The following PDGFA variants were observed in gnomAD, a reference collection of about 807,000 sequenced individuals.
The protein encoded by PDGFA is platelet derived growth factor subunit A, also known as platelet-derived growth factor subunit A.
A neutral mutation model predicts 25.6 loss-of-function variants in PDGFA; 9 were observed. The ratio of observed to expected loss-of-function variants is 0.35; its 90% CI spans 0.21 to 0.61. The LOEUF (loss-of-function observed/expected upper bound fraction) is 0.61, where lower values mean the gene tolerates loss of function less well. Among genes scored for constraint, PDGFA ranks in the 20% least tolerant of loss-of-function variants. The pLI is 0.75. For missense variants in PDGFA, 242 were observed against 272.8 expected (o/e 0.89, Z 0.79); for synonymous variants, 133 against 111.8 (o/e 1.19, Z -1.20).
chr7:502,237 A>C (rs1782372705), intron 4 of PDGFA, among the ~76,000 whole-genome samples: 1 of 151,950 alleles, frequency 6.6e-6, no homozygotes, highest in Admixed American at 6.5e-5. Context: ...ATATTAAAAA[A>C]AAATTTAAAG....
At chr7:516,864 C>G (rs1403382713) in intron 2 of PDGFA, among the ~76,000 whole-genome samples, 1 of 152,236 alleles carries the variant, frequency 6.6e-6, no homozygotes, top group Admixed American at 6.5e-5. Flanking sequence ...AAGACACCGG[C>G]TTCTGCAGCC....
exon 6 of PDGFA, chr7:498,346 G>T: frequency 5.7e-6 from 3 of 528,618 alleles, no homozygotes; most frequent in Non-Finnish European, 1.0e-5. Context: ...TTTTGACAAG[G>T]AAGCTTCTTA....
intron 4 of PDGFA, among the ~76,000 whole-genome samples, chr7:503,817 C>T (rs1279207771): frequency 6.6e-6 from 1 of 152,144 alleles, no homozygotes; most frequent in Non-Finnish European, 1.5e-5. Flanking sequence ...GGGCGTGGGG[C>T]GCCTGGGGTC....
At chr7:502,113 T>G (rs577750129) in intron 4 of PDGFA, among the ~76,000 whole-genome samples, 1 of 152,176 alleles carries the variant, frequency 6.6e-6, no homozygotes, top group East Asian at 1.9e-4. Context: ...CCCAGCCTAC[T>G]TGGGAGGCTG....
chr7:517,377 G>A lies in PDGFA; in HGVS notation c.160+17C>T, dbSNP rs756685336. ...CCCGCGCCCTCCCCGCGCGCGGAGG[G>A]AAGGGGCGCGATTTACCTACGGAGT... On this transcript the variant is annotated intron_variant, in intron 2 of 5. Transcript: ENST00000402802. The surrounding 1 kb of genome is among the most constrained non-coding windows in gnomAD (Gnocchi z 7.4). 6.8e-5 allele frequency: 89 copies of A among 1,299,752 alleles called. No individual in the cohort carries two copies. The Middle Eastern group carries it at 1.4e-3, about 20-fold the overall frequency. The allele number at this position is 1,299,752 out of a possible 1,614,324, so 80.5% of individuals were successfully genotyped here.
chr7:506,991 A>T (rs923878020), intron 4 of PDGFA, among the ~76,000 whole-genome samples: 1 of 151,964 alleles, frequency 6.6e-6, no homozygotes, highest in Non-Finnish European at 1.5e-5. Flanking sequence ...AACCCCTTTG[A>T]CCTCAGCTGA....
rs1783159346 is a variant in PDGFA at position 517,397 on chromosome 7, C to T, written c.157G>A (p.Val53Ile). The change falls in exon 2 of 6, where the codon GTA becomes ATA. Residue 53 changes from valine (V) to isoleucine (I), a missense_variant. Val to Ile is a conservative substitution (Grantham distance 29). Coordinates refer to ENST00000402802, the Ensembl canonical transcript of PDGFA. The surrounding 1 kb of genome is among the most constrained non-coding windows in gnomAD (Gnocchi z 7.4). ...GGAGGGAAGGGGCGCGATTTACCTA[C>T]GGAGTCTATCTCCAGGAGTCGCTGG... is the stretch of plus-strand genomic sequence containing the variant. The T allele has an allele frequency of 7.3e-7, 1 of 1,368,302 alleles. No individual in the cohort carries two copies. Among genetic ancestry groups the T allele is most frequent in the Non-Finnish European group, 9.6e-7 (1 of 1,042,038 alleles). The allele number at this position is 1,368,302 out of a possible 1,614,324, so 84.8% of individuals were successfully genotyped here.
Position 500,621 on chromosome 7 carries a change from A to C in PDGFA, c.580+495T>G. 6.6e-7 allele frequency: 1 copy of C among 1,517,372 alleles called. No homozygotes were observed. Among genetic ancestry groups the C allele is most frequent in the South Asian group, 1.2e-5 (1 of 80,132 alleles). 94.0% of individuals were successfully genotyped at this position (1,517,372 alleles called of 1,614,324 possible). On this transcript the variant is annotated intron_variant, in intron 5 of 5. Coordinates refer to ENST00000402802, the Ensembl canonical transcript of PDGFA. The surrounding 1 kb of genome is among the most constrained non-coding windows in gnomAD (Gnocchi z 5.0). ...CAGAAGAGAAGGCCAGCACCCTGGC[A>C]CCGAGAAACTTCTGAGTCCCCTCAT...
intron 3 of PDGFA, among the ~76,000 whole-genome samples, chr7:511,338 GGGAGAGGGGAACCTAGTC>G (rs2128401048): frequency 2.4e-5 from 1 of 41,284 alleles, no homozygotes; most frequent in South Asian, 1.1e-3. Flanking sequence ...ACTGGGGGTG[GGGAGAGGGGAACCTAGTC>G]CAGGTGGGGC....
At chr7:506,964 C>G (rs1782585326) in intron 4 of PDGFA, among the ~76,000 whole-genome samples, 1 of 152,184 alleles carries the variant, frequency 6.6e-6, no homozygotes, top group South Asian at 2.1e-4. Flanking sequence ...CTTTGGGGGC[C>G]CCTCCCGGCC....
chr7:510,455 C>A (rs1219759111), intron 4 of PDGFA, among the ~76,000 whole-genome samples: 1 of 150,156 alleles, frequency 6.7e-6, no homozygotes, highest in Non-Finnish European at 1.5e-5. Context: ...CGTGAGGGAC[C>A]CTGGCTGCTT....
Position 500,249 on chromosome 7 carries a change from C to T in PDGFA, c.580+867G>A, listed in dbSNP as rs996484122. 6.6e-6 allele frequency among the ~76,000 whole-genome samples: 1 copy of T among 152,196 alleles called. No homozygotes were observed. Among genetic ancestry groups the T allele is most frequent in the Non-Finnish European group, 1.5e-5 (1 of 68,038 alleles). On this transcript the variant is annotated intron_variant, in intron 5 of 5. Coordinates refer to ENST00000402802, the Ensembl canonical transcript of PDGFA. This position sits in a 1 kb window ranked among gnomAD's most constrained non-coding sequence, Gnocchi z 5.0. The stretch of plus-strand genomic sequence containing the variant: ...AGCGGGAGTGAGCCACGGGCCAGGG[C>T]GTTCTGCGAGGCAGGAGCGGACGGG...
intron 2 of PDGFA, among the ~76,000 whole-genome samples, chr7:514,779 C>G (rs1210055395): frequency 6.6e-6 from 1 of 152,238 alleles, no homozygotes; most frequent in Non-Finnish European, 1.5e-5. Context: ...GCACACAGGA[C>G]AAACAGGCCC....
intron 5 of PDGFA, 56 bp from the exon 6 acceptor site, chr7:498,630 GCA>G: frequency 6.4e-7 from 1 of 1,557,962 alleles, no homozygotes; most frequent in Non-Finnish European, 8.8e-7. Flanking sequence ...GAACCACCCA[GCA>G]CACACATGGC....
rs565482930 is a variant in PDGFA, at chr7:513,787, G to A, written c.161-1332C>T. Among the ~76,000 whole-genome samples, 31 of 152,254 alleles carry A rather than the reference G, an allele frequency of 2.0e-4. No homozygotes were observed. The East Asian group carries it at 3.5e-3, about 17-fold the overall frequency. On this transcript the variant is annotated intron_variant, in intron 2 of 5. Coordinates refer to ENST00000402802, the Ensembl canonical transcript of PDGFA. ...TCCTCCGCACCCCCGAGGAGCCTGC[G>A]GATTTAAAATGAAGCCCGCAAACCT...
intron 4 of PDGFA, among the ~76,000 whole-genome samples, chr7:503,531 G>A (rs947490107): frequency 6.6e-6 from 1 of 152,176 alleles, no homozygotes; most frequent in African/African-American, 2.4e-5. Flanking sequence ...GTGAAGGAGG[G>A]AGGAGGGGAA....
chr7:512,616 G>C, intron 2 of PDGFA, 161 bp from the exon 3 acceptor site: 1 of 1,537,930 alleles, frequency 6.5e-7, no homozygotes, highest in African/African-American at 1.4e-5. Flanking sequence ...CCCTCCAGGA[G>C]AACCTCGATT....
intron 5 of PDGFA, 38 bp from the exon 6 acceptor site, chr7:498,612 G>C (rs372467498): frequency 6.2e-7 from 1 of 1,605,932 alleles, no homozygotes; most frequent in African/African-American, 1.3e-5. Flanking sequence ...TGAGACCACC[G>C]ACCAAGTGAA....
At chr7:519,079 G>T in exon 1 of PDGFA, 2 of 1,143,378 alleles carry the variant, frequency 1.7e-6, no homozygotes, top group South Asian at 1.4e-5. Flanking sequence ...CTGTGGCGGC[G>T]AAATTCAGTA....
Sources: allele counts gnomAD v4.1 joint callset (sites outside exome capture counted in the v4.1 genomes callset), GRCh38; gene constraint gnomAD v4.1.1; non-coding constraint Gnocchi (gnomAD v3.1); transcripts MANE v1.5; gene names NCBI Gene and HGNC (gene_info 2026-07-23, HGNC 2026-07-21).